The following BCAS3 variants were observed in gnomAD, a reference collection of about 807,000 sequenced individuals.
BCAS3 encodes BCAS4/BCAS3 fusion.
Under a neutral mutation model 116.1 loss-of-function variants are expected in BCAS3, and 53 were observed. That is an observed-to-expected ratio of 0.46 (90% CI 0.37 to 0.57). The LOEUF is 0.57. Among genes scored for constraint, BCAS3 ranks in the 20% least tolerant of loss-of-function variants. BCAS3 has a pLI of 0.00. For synonymous variants in BCAS3, 391 were observed against 408.2 expected (o/e 0.96, Z 0.51); for missense variants, 917 against 1,165.4 (o/e 0.79, Z 3.10).
In BCAS3 at chr17:61,392,152, C is replaced by T; in HGVS notation, c.*27C>T. 1 of 1,606,960 alleles carries T rather than the reference C, an allele frequency of 6.2e-7. No individual in the cohort carries two copies. On this transcript the variant is annotated 3_prime_UTR_variant, in exon 24 of 24. Coordinates refer to ENST00000407086, the MANE Select transcript of BCAS3 (RefSeq NM_017679.5). The surrounding 1 kb of genome is among the most constrained non-coding windows in gnomAD (Gnocchi z 6.4). ...TACCAGCAACCTGCTTCTGACTGGC[C>T]AGCCCCCTCCCCTGCTGGAGGAGGG... is the stretch of plus-strand genomic sequence containing the variant.
rs372481294 is a variant in BCAS3, at chr17:60,689,787, G to A, written c.214+26G>A. 392 of 1,490,866 alleles carry A rather than the reference G, an allele frequency of 2.6e-4. No individual in the cohort carries two copies. The highest frequency in any genetic ancestry group is 4.2e-5 in the African/African-American group (3 of 72,086). 92.4% of individuals were successfully genotyped at this position (1,490,866 alleles called of 1,614,324 possible). ...GTATGGTTTTAACTTTTTTTGGGAC[G>A]TGTGAATTAATTGTTTGTTTGGAGT... On this transcript the variant is annotated intron_variant, in intron 4 of 23. Transcript: ENST00000407086.
intron 22 of BCAS3, among the ~76,000 whole-genome samples, chr17:61,160,038 T>G (rs1249339002): frequency 6.6e-6 from 1 of 151,986 alleles, no homozygotes; most frequent in African/African-American, 2.4e-5. Flanking sequence ...ATCTTTGATT[T>G]AAATAAAAAT....
rs2070939641 is a variant in BCAS3 at position 61,068,254 on chromosome 17, C to T, written c.2030-6666C>T. ...AAACTCTATTAAGTTTTTTTTAGTA[C>T]CTCCATTCGAAGAAAGGTGGAAAAA... On this transcript the variant is annotated intron_variant, in intron 19 of 23. Transcript: ENST00000407086. The surrounding 1 kb of genome is among the most constrained non-coding windows in gnomAD (Gnocchi z 4.3). Among the ~76,000 whole-genome samples the T allele has an allele frequency of 6.6e-6, 1 of 151,928 alleles. No homozygotes were observed. Among genetic ancestry groups the T allele is most frequent in the African/African-American group, 2.4e-5 (1 of 41,368 alleles).
At position 61,067,273 on chromosome 17, in the gene BCAS3, GTATATATATA is replaced by G. The variant is rs1199603635; in HGVS notation, c.2030-7613_2030-7604del. Among the ~76,000 whole-genome samples, 109 of 58,802 alleles carry G rather than the reference GTATATATATA, an allele frequency of 1.9e-3. 1 individual carries two copies. Among genetic ancestry groups the G allele is most frequent in the South Asian group, 9.6e-3 (14 of 1,460 alleles). 38.6% of individuals were successfully genotyped at this position (58,802 alleles called of 152,430 possible). A position where few individuals can be genotyped will look rare whatever the true frequency, so the allele number is the denominator to read the frequency against. ...CATAACTTTATTTATGTGTGTATGT[GTATATATATA>G]TATATATATATATATATATATATAT... On this transcript the variant is annotated intron_variant, in intron 19 of 23. Coordinates refer to ENST00000407086, the MANE Select transcript of BCAS3 (RefSeq NM_017679.5).
At chr17:61,100,322 A>G (rs1005387992) in intron 22 of BCAS3, among the ~76,000 whole-genome samples, 5 of 152,160 alleles carry the variant, frequency 3.3e-5, no homozygotes, top group Non-Finnish European at 7.4e-5. Context: ...CTATGTTAGA[A>G]ATTCATAGCC....
intron 4 of BCAS3, among the ~76,000 whole-genome samples, chr17:60,702,968 T>A (rs1598159132): frequency 6.6e-6 from 1 of 152,134 alleles, no homozygotes; most frequent in East Asian, 1.9e-4. Flanking sequence ...TGCTTAATAC[T>A]TTTTTATCTC....
In BCAS3 at chr17:61,192,246, C is replaced by CAAAAAA. The variant is rs60456812; in HGVS notation, c.2425+107693_2425+107698dup. ...GGGCGACAGAGCAAGGCTCTGTTAC[C>CAAAAAA]AAAAAAAAAAAAAAAAGAAACATAG... is the stretch of plus-strand genomic sequence containing the variant. On this transcript the variant is annotated intron_variant, in intron 22 of 23. Transcript: ENST00000407086. 9.9e-5 allele frequency among the ~76,000 whole-genome samples: 7 copies of CAAAAAA among 70,678 alleles called. 1 individual carries two copies. Among genetic ancestry groups the CAAAAAA allele is most frequent in the African/African-American group, 1.4e-4 (3 of 22,162 alleles). 46.4% of individuals were successfully genotyped at this position (70,678 alleles called of 152,430 possible).
chr17:61,107,986 A>T (rs991080175), intron 22 of BCAS3, among the ~76,000 whole-genome samples: 12 of 152,228 alleles, frequency 7.9e-5, no homozygotes, highest in Non-Finnish European at 1.5e-4. Flanking sequence ...CCATCAATAT[A>T]TGAGAAATCT....
chr17:60,891,709 A>G (rs78676245), intron 10 of BCAS3: 8,472 of 455,552 alleles, frequency 0.019, 302 homozygotes, highest in East Asian at 0.086. Flanking sequence ...ACACAGGTAT[A>G]TTGTGTAAGG....
At chr17:61,045,168 G>A (rs2067929829) in intron 19 of BCAS3, among the ~76,000 whole-genome samples, 1 of 151,858 alleles carries the variant, frequency 6.6e-6, no homozygotes, top group Non-Finnish European at 1.5e-5. Context: ...AGACTTCTGG[G>A]ACTTTTGGTA....
rs2082368490 is a variant in BCAS3, at chr17:61,226,271, T to C, written c.2425+141707T>C. 6.6e-6 allele frequency among the ~76,000 whole-genome samples: 1 copy of C among 152,212 alleles called. No individual in the cohort carries two copies. The highest frequency in any genetic ancestry group is 1.5e-5 in the Non-Finnish European group (1 of 68,042). On this transcript the variant is annotated intron_variant, in intron 22 of 23. Transcript: ENST00000407086. This position sits in a 1 kb window ranked among gnomAD's most constrained non-coding sequence, Gnocchi z 6.0. ...TTCTTGTTATGTCCAAAATTCTCTA[T>C]AAAAAATTCAGGAAATAATTGTTTT...
At chr17:60,769,921 C>T (rs371075778) in intron 6 of BCAS3, among the ~76,000 whole-genome samples, 8 of 151,746 alleles carry the variant, frequency 5.3e-5, no homozygotes, top group African/African-American at 1.9e-4. Context: ...ATTACAGGTG[C>T]CCGCCACCAT....
rs776633872 is a variant in BCAS3, at chr17:61,213,326, T to G, written c.2425+128762T>G. 7.9e-5 allele frequency among the ~76,000 whole-genome samples: 12 copies of G among 151,942 alleles called. No homozygotes were observed. Among genetic ancestry groups the G allele is most frequent in the Non-Finnish European group, 1.6e-4 (11 of 67,972 alleles). On this transcript the variant is annotated intron_variant, in intron 22 of 23. Transcript: ENST00000407086. The surrounding 1 kb of genome is among the most constrained non-coding windows in gnomAD (Gnocchi z 5.4). The stretch of plus-strand genomic sequence containing the variant: ...CTGGGATTACAGGCTCCTGCCACCA[T>G]GCCCGGCTAATTTTTGTATTTTTAG...
chr17:61,109,086 T>C (rs2143717332), intron 22 of BCAS3, among the ~76,000 whole-genome samples: 1 of 151,142 alleles, frequency 6.6e-6, no homozygotes, highest in South Asian at 2.1e-4. Flanking sequence ...CTCAGGAGGC[T>C]GAGGCATGAG....
At chr17:61,002,168 T>C (rs2064287102) in intron 15 of BCAS3, among the ~76,000 whole-genome samples, 1 of 152,128 alleles carries the variant, frequency 6.6e-6, no homozygotes, top group Non-Finnish European at 1.5e-5. Context: ...AATTTAGTGC[T>C]ATGAAAATTA....
chr17:60,820,320 C>T (rs1341155451), intron 7 of BCAS3, among the ~76,000 whole-genome samples: 2 of 152,180 alleles, frequency 1.3e-5, no homozygotes, highest in Non-Finnish European at 2.9e-5. Context: ...GCTGGGATTA[C>T]AGGCGTGAGC....
intron 19 of BCAS3, among the ~76,000 whole-genome samples, chr17:61,050,554 A>G (rs1010920689): frequency 3.9e-5 from 6 of 151,952 alleles, no homozygotes; most frequent in Admixed American, 2.0e-4. Flanking sequence ...TACATAATGA[A>G]CTCAAAAGCA....
rs1373786741 is a variant in BCAS3, at chr17:61,362,815, GT to G, written c.2426-5511del. 2 of 152,196 alleles carry G rather than the reference GT, an allele frequency of 1.3e-5. No individual in the cohort carries two copies. Among genetic ancestry groups the G allele is most frequent in the Admixed American group, 6.5e-5 (1 of 15,270 alleles). The allele number at this position is 152,196 out of a possible 1,614,324, so 9.4% of individuals were successfully genotyped here. The stretch of plus-strand genomic sequence containing the variant: ...TCCAGGATCTCCAAATCTAAAATAA[GT>G]GCACAGAAGGCAGTAGAGTAAAATT... On this transcript the variant is annotated intron_variant, in intron 22 of 23. Transcript: ENST00000407086. The surrounding 1 kb of genome is among the most constrained non-coding windows in gnomAD (Gnocchi z 4.4).
chr17:60,904,676 T>A (rs1398213936), intron 11 of BCAS3, among the ~76,000 whole-genome samples: 3 of 152,028 alleles, frequency 2.0e-5, no homozygotes, highest in Non-Finnish European at 4.4e-5. Flanking sequence ...TACAAAAAAA[T>A]TTAAAAATTA....
Sources: gnomAD v4.1 joint callset for allele counts (sites outside exome capture counted in the v4.1 genomes callset) on GRCh38, gnomAD v4.1.1 for gene constraint, Gnocchi (gnomAD v3.1) non-coding constraint, MANE v1.5 for transcripts, NCBI Gene and HGNC (gene_info 2026-07-23, HGNC 2026-07-21) for gene names.